IL1RAPL1: variants seen among roughly 807,000 people sequenced by gnomAD.
IL1RAPL1 encodes interleukin 1 receptor accessory protein like 1, also known as interleukin-1 receptor accessory protein-like 1.
A neutral mutation model predicts 48.4 loss-of-function variants in IL1RAPL1; 3 were observed. That is an observed-to-expected ratio of 0.06 (90% CI 0.03 to 0.16). IL1RAPL1 has a LOEUF of 0.16. Among genes scored for constraint, IL1RAPL1 ranks in the 10% least tolerant of loss-of-function variants. IL1RAPL1 has a pLI of 1.00. For missense variants in IL1RAPL1, 349 were observed against 530.6 expected (o/e 0.66, Z 3.36); for synonymous variants, 185 against 187.7 (o/e 0.99, Z 0.12).
chrX:29,647,123 G>A (rs1925355392), intron 5 of IL1RAPL1, among the ~76,000 whole-genome samples: 1 of 112,297 alleles, frequency 8.9e-6, no homozygotes, highest in Non-Finnish European at 1.9e-5. Context: ...GCTGAGGTGG[G>A]TGGATCACCT....
chrX:29,509,770 G>T (rs1935374641), intron 5 of IL1RAPL1, among the ~76,000 whole-genome samples: 1 of 112,335 alleles, frequency 8.9e-6, no homozygotes, highest in African/African-American at 3.2e-5. Flanking sequence ...TTGAATGCAT[G>T]TATTAATATT....
At chrX:29,073,579 GTTTC>G (rs1927611031) in intron 2 of IL1RAPL1, among the ~76,000 whole-genome samples, 1 of 110,026 alleles carries the variant, frequency 9.1e-6, no homozygotes. Context: ...TTCCTTCCTC[GTTTC>G]TTTATCATAT....
intron 5 of IL1RAPL1, among the ~76,000 whole-genome samples, chrX:29,602,171 C>G (rs1355799415): frequency 9.2e-6 from 1 of 108,347 alleles, no homozygotes; most frequent in Non-Finnish European, 1.9e-5. Context: ...TTAGTATAGA[C>G]GGGGTTTCAC....
intron 2 of IL1RAPL1, among the ~76,000 whole-genome samples, chrX:28,901,797 C>T (rs1407388471): frequency 8.9e-6 from 1 of 111,975 alleles, no homozygotes; most frequent in African/African-American, 3.2e-5. Context: ...TCCTCACTCG[C>T]TCAAATATTA....
intron 2 of IL1RAPL1, among the ~76,000 whole-genome samples, chrX:29,122,228 A>G (rs1325725227): frequency 9.0e-6 from 1 of 111,502 alleles, no homozygotes; most frequent in Non-Finnish European, 1.9e-5. Context: ...TCGCTATAAT[A>G]AAATCTCCAT....
intron 2 of IL1RAPL1, among the ~76,000 whole-genome samples, chrX:28,954,888 C>G (rs1315953047): frequency 3.6e-5 from 4 of 111,631 alleles, no homozygotes; most frequent in Non-Finnish European, 5.7e-5. Context: ...TCATTTACCC[C>G]CACATTCATG....
intron 2 of IL1RAPL1, among the ~76,000 whole-genome samples, chrX:28,962,731 A>G (rs1924813583): frequency 9.0e-6 from 1 of 111,461 alleles, no homozygotes. Flanking sequence ...GAGATGATTT[A>G]AAAGTATATG....
intron 1 of IL1RAPL1, among the ~76,000 whole-genome samples, chrX:28,632,661 G>C (rs1281526180): frequency 1.8e-5 from 2 of 111,083 alleles, no homozygotes; most frequent in Non-Finnish European, 3.8e-5. Flanking sequence ...TTATTTATTT[G>C]AAAATACCAA....
At chrX:29,237,036 C>T (rs1173625921) in intron 2 of IL1RAPL1, among the ~76,000 whole-genome samples, 1 of 110,837 alleles carries the variant, frequency 9.0e-6, no homozygotes, top group Non-Finnish European at 1.9e-5. Flanking sequence ...TGCCTTTCAC[C>T]TAGAGCCAAG....
At chrX:29,516,372 TTA>T (rs1314705454) in intron 5 of IL1RAPL1, among the ~76,000 whole-genome samples, 3 of 111,763 alleles carry the variant, frequency 2.7e-5, no homozygotes, top group Non-Finnish European at 5.7e-5. Context: ...TATGTATCAG[TTA>T]TGAGTTTCAA....
At chrX:29,333,681 C>T (rs1225969201) in intron 3 of IL1RAPL1, among the ~76,000 whole-genome samples, 117 of 50,228 alleles carry the variant, frequency 2.3e-3, no homozygotes, top group African/African-American at 3.4e-3. Context: ...CCTCACCTCC[C>T]GGACTGGGTG....
chrX:29,029,883 A>T (rs1403678302), intron 2 of IL1RAPL1, among the ~76,000 whole-genome samples: 1 of 110,026 alleles, frequency 9.1e-6, no homozygotes, highest in East Asian at 2.8e-4. Flanking sequence ...CTTACATATC[A>T]ATCTATGACC....
At chrX:29,479,431 A>AAAAAAAAT (rs1384814024) in intron 5 of IL1RAPL1, among the ~76,000 whole-genome samples, 5 of 105,891 alleles carry the variant, frequency 4.7e-5, no homozygotes, top group African/African-American at 1.7e-4. Context: ...AAAAAAAAAA[A>AAAAAAAAT]TTAGCATTGT....
intron 5 of IL1RAPL1, among the ~76,000 whole-genome samples, chrX:29,554,034 T>C (rs7055223): frequency 0.031 from 3,385 of 110,396 alleles, 130 homozygotes; most frequent in African/African-American, 0.11. Context: ...AATTTTCTGA[T>C]GGATCCAAGA....
Position 29,955,453 on chromosome X carries a change from T to TCCC in IL1RAPL1, c.1725_1726insCCC (p.Val575_Ser576insPro). The TCCC allele has an allele frequency of 8.3e-7, 1 of 1,211,349 alleles. No homozygotes were observed. Among genetic ancestry groups the TCCC allele is most frequent in the Non-Finnish European group, 1.1e-6 (1 of 895,348 alleles). On this transcript the variant is annotated inframe_insertion, in exon 11 of 11. Coordinates refer to ENST00000378993, the MANE Select transcript of IL1RAPL1 (RefSeq NM_014271.4). ...ATTACACATGAGCAGGCTTTAGATG[T>TCCC]CAGTGAGCAAGGGCCTTTTGGGGAG...
chrX:28,886,489 T>C (rs1412088723), intron 2 of IL1RAPL1, among the ~76,000 whole-genome samples: 1 of 103,473 alleles, frequency 9.7e-6, no homozygotes, highest in East Asian at 3.1e-4. Flanking sequence ...GCAAGTAAGA[T>C]AAAGAATAAA....
intron 2 of IL1RAPL1, among the ~76,000 whole-genome samples, chrX:29,106,851 C>A (rs1335827590): frequency 9.0e-6 from 1 of 110,637 alleles, no homozygotes; most frequent in Non-Finnish European, 1.9e-5. Flanking sequence ...CTTGCAATAT[C>A]TTTTCTTTGA....
chrX:29,465,988 C>T (rs1413678272), intron 5 of IL1RAPL1, among the ~76,000 whole-genome samples: 2 of 112,017 alleles, frequency 1.8e-5, no homozygotes, highest in African/African-American at 6.5e-5. Flanking sequence ...GCTCAGGTTG[C>T]CAAATTCAGC....
At position 29,916,276 on chromosome X, in the gene IL1RAPL1, A is replaced by G. The variant is rs575844227; in HGVS notation, c.779-1188A>G. On this transcript the variant is annotated intron_variant, in intron 6 of 10. Coordinates refer to ENST00000378993, the MANE Select transcript of IL1RAPL1 (RefSeq NM_014271.4). ...TTGGGTATATACCCAGTAATGGGAT[A>G]GCTGGGTCAAATGGTATTTCTAGTT... Among the ~76,000 whole-genome samples the G allele has an allele frequency of 7.4e-4, 82 of 110,660 alleles. No individual in the cohort carries two copies. In the South Asian group the frequency reaches 0.028, roughly 38 times the overall value.
Sources: gnomAD v4.1 joint callset for allele counts (sites outside exome capture counted in the v4.1 genomes callset) on GRCh38, gnomAD v4.1.1 for gene constraint, MANE v1.5 for transcripts, NCBI Gene and HGNC (gene_info 2026-07-23, HGNC 2026-07-21) for gene names.